The following SERPINI1 variants were observed in gnomAD, a reference collection of about 807,000 sequenced individuals.
SERPINI1 encodes the protein serpin family I member 1, also known as neuroserpin.
In SERPINI1, 19 loss-of-function variants were observed where a neutral mutation model predicts 41.1. That is an observed-to-expected ratio of 0.46 (90% CI 0.32 to 0.68). The LOEUF is 0.68. Among genes scored for constraint, SERPINI1 ranks in the 30% least tolerant of loss-of-function variants. The probability of loss-of-function intolerance (pLI) is 0.03; values close to 1 mark genes in which losing one functional copy is unlikely to be tolerated. For synonymous variants in SERPINI1, 138 were observed against 156.6 expected (o/e 0.88, Z 0.89); for missense variants, 460 against 479.2 (o/e 0.96, Z 0.37).
At chr3:167,818,629 A>T (rs1335212188) in intron 6 of SERPINI1, among the ~76,000 whole-genome samples, 2 of 152,046 alleles carry the variant, frequency 1.3e-5, no homozygotes, top group African/African-American at 2.4e-5. Context: ...TAGCTCTCTG[A>T]GAATAACCCT....
intron 1 of SERPINI1, among the ~76,000 whole-genome samples, chr3:167,760,537 C>T (rs879456727): frequency 4.7e-5 from 7 of 149,808 alleles, no homozygotes; most frequent in Non-Finnish European, 1.0e-4. Context: ...AGAATTTCCT[C>T]AGTTCTGGAA....
chr3:167,766,415 A>G (rs1560000110), intron 1 of SERPINI1, among the ~76,000 whole-genome samples: 1 of 152,168 alleles, frequency 6.6e-6, no homozygotes, highest in Non-Finnish European at 1.5e-5. Context: ...ATTCACTATC[A>G]TGAGAACAGC....
At chr3:167,775,225 T>TTTATTATTATTATTA (rs558261774) in intron 1 of SERPINI1, among the ~76,000 whole-genome samples, 15 of 134,346 alleles carry the variant, frequency 1.1e-4, no homozygotes, top group Admixed American at 1.1e-3. Context: ...GAAGTGTCAC[T>TTTATTATTATTATTA]TTATTATTAT....
intron 5 of SERPINI1, among the ~76,000 whole-genome samples, chr3:167,800,904 C>T (rs1727877896): frequency 1.3e-5 from 2 of 152,198 alleles, no homozygotes; most frequent in African/African-American, 2.4e-5. Context: ...CAACCTCCAC[C>T]TCCCAGGTTC....
intron 5 of SERPINI1, among the ~76,000 whole-genome samples, chr3:167,802,163 C>CTTTTAGGGTTTTT (rs1174702288): frequency 1.3e-5 from 2 of 151,914 alleles, no homozygotes; most frequent in Non-Finnish European, 2.9e-5. Context: ...GACCTAAAAC[C>CTTTTAGGGTTTTT]ATAAAAACCC....
intron 1 of SERPINI1, among the ~76,000 whole-genome samples, chr3:167,778,251 C>A (rs1407714065): frequency 1.3e-5 from 2 of 152,194 alleles, no homozygotes; most frequent in Non-Finnish European, 2.9e-5. Context: ...CCAATGGGTT[C>A]TTCTTGCCTG....
intron 5 of SERPINI1, among the ~76,000 whole-genome samples, chr3:167,806,300 C>A (rs575374927): frequency 6.6e-6 from 1 of 151,386 alleles, no homozygotes; most frequent in Non-Finnish European, 1.5e-5. Context: ...GGGAGGGGAA[C>A]ATCACACACT....
chr3:167,804,986 A>G (rs1310722549), intron 5 of SERPINI1, among the ~76,000 whole-genome samples: 2 of 152,048 alleles, frequency 1.3e-5, no homozygotes, highest in East Asian at 3.8e-4. Context: ...TTTTAAGTTA[A>G]TATTCTGTTT....
At chr3:167,773,896 C>G (rs79130784) in intron 1 of SERPINI1, among the ~76,000 whole-genome samples, 11 of 152,220 alleles carry the variant, frequency 7.2e-5, no homozygotes, top group African/African-American at 2.6e-4. Flanking sequence ...TATAAAGTAA[C>G]GTACATAACT....
intron 1 of SERPINI1, among the ~76,000 whole-genome samples, chr3:167,761,906 A>T (rs1726394080): frequency 6.6e-6 from 1 of 152,210 alleles, no homozygotes; most frequent in Non-Finnish European, 1.5e-5. Context: ...ACTAATTCTA[A>T]GCAAAGATGA....
chr3:167,801,079 A>G (rs780895216), intron 5 of SERPINI1, among the ~76,000 whole-genome samples: 26 of 152,302 alleles, frequency 1.7e-4, no homozygotes, highest in Non-Finnish European at 2.5e-4. Flanking sequence ...CGGCCTCCCA[A>G]AGTGCTGGGA....
intron 5 of SERPINI1, among the ~76,000 whole-genome samples, chr3:167,806,336 G>T (rs1430024351): frequency 1.3e-5 from 2 of 151,986 alleles, no homozygotes; most frequent in South Asian, 2.1e-4. Context: ...GGGTAGGGGG[G>T]CAAGGGGAGG....
chr3:167,745,182 A>G (rs1247969807), intron 1 of SERPINI1, among the ~76,000 whole-genome samples: 4 of 151,834 alleles, frequency 2.6e-5, no homozygotes, highest in Non-Finnish European at 4.4e-5. Context: ...ATGCTCAACA[A>G]AATACTAGCA....
intron 5 of SERPINI1, among the ~76,000 whole-genome samples, chr3:167,800,373 A>T (rs2108563203): frequency 6.6e-6 from 1 of 152,306 alleles, no homozygotes; most frequent in South Asian, 2.1e-4. Flanking sequence ...TTTAGTGTAC[A>T]TTTTAAGTCC....
At chr3:167,750,375 T>C (rs1289239202) in intron 1 of SERPINI1, among the ~76,000 whole-genome samples, 1 of 152,216 alleles carries the variant, frequency 6.6e-6, no homozygotes, top group African/African-American at 2.4e-5. Flanking sequence ...AGCCATGCAG[T>C]GTAGCTTGGG....
intron 6 of SERPINI1, among the ~76,000 whole-genome samples, chr3:167,821,671 C>T (rs567984489): frequency 1.8e-3 from 281 of 152,300 alleles, no homozygotes; most frequent in African/African-American, 6.5e-3. Context: ...ACCCAGCAGG[C>T]CTAGGCAAAA....
chr3:167,812,991 A>G (rs1256040870), intron 6 of SERPINI1, among the ~76,000 whole-genome samples: 1 of 152,208 alleles, frequency 6.6e-6, no homozygotes, highest in African/African-American at 2.4e-5. Context: ...GGAAGGAGAA[A>G]GAGAGTACTA....
intron 1 of SERPINI1, among the ~76,000 whole-genome samples, chr3:167,774,137 G>A (rs1035800084): frequency 2.0e-5 from 3 of 152,114 alleles, no homozygotes; most frequent in African/African-American, 7.2e-5. Context: ...ATAACTCTAT[G>A]AAATATAAAG....
chr3:167,750,639 A>G (rs1726013561), intron 1 of SERPINI1, among the ~76,000 whole-genome samples: 1 of 152,328 alleles, frequency 6.6e-6, no homozygotes, highest in East Asian at 1.9e-4. Context: ...ACATCCATAC[A>G]TTATCACCCT....
Sources: allele counts gnomAD v4.1 joint callset (sites outside exome capture counted in the v4.1 genomes callset), GRCh38; gene constraint gnomAD v4.1.1; transcripts MANE v1.5; gene names NCBI Gene and HGNC (gene_info 2026-07-23, HGNC 2026-07-21).